NCS1: variants seen among roughly 807,000 people sequenced by gnomAD.
NCS1 encodes neuronal calcium sensor 1.
Under a neutral mutation model 28.4 loss-of-function variants are expected in NCS1, and 6 were observed. The observed-to-expected ratio is 0.21, with a 90% CI of 0.12 to 0.42. The LOEUF (loss-of-function observed/expected upper bound fraction) is 0.42, where lower values mean the gene tolerates loss of function less well. Ranked by LOEUF, NCS1 falls within the 10% of genes least tolerant of loss-of-function variation. The probability of loss-of-function intolerance (pLI) is 1.00; values close to 1 mark genes in which losing one functional copy is unlikely to be tolerated. For synonymous variants in NCS1, 86 were observed against 99.3 expected (o/e 0.87, Z 0.79); for missense variants, 131 against 241.4 (o/e 0.54, Z 3.03).
At chr9:130,197,824 G>T (rs529909417) in intron 1 of NCS1, among the ~76,000 whole-genome samples, 5 of 152,114 alleles carry the variant, frequency 3.3e-5, no homozygotes, top group African/African-American at 1.2e-4. Context: ...TTAGCTGGCC[G>T]TGGTGGTGTA....
At chr9:130,173,740 C>T (rs1412708117) in intron 1 of NCS1, among the ~76,000 whole-genome samples, 1 of 152,208 alleles carries the variant, frequency 6.6e-6, no homozygotes, top group Non-Finnish European at 1.5e-5. Flanking sequence ...CTCTGCACCA[C>T]CCCTGGAGGC....
At chr9:130,173,584 C>A (rs554283313) in intron 1 of NCS1, among the ~76,000 whole-genome samples, 1 of 152,332 alleles carries the variant, frequency 6.6e-6, no homozygotes, top group Admixed American at 6.5e-5. Context: ...TGGGTCCAGA[C>A]CACCCAGGGG....
chr9:130,210,400 G>GAAA (rs3055585), intron 2 of NCS1, among the ~76,000 whole-genome samples: 43 of 125,384 alleles, frequency 3.4e-4, no homozygotes, highest in Non-Finnish European at 3.2e-4. Flanking sequence ...CTCAGTCTTA[G>GAAA]AAAAAAAAAA....
rs1411862182 is a variant in NCS1, at chr9:130,226,020, G to A, written c.475-369G>A. ...CAAGAGTGACCCCAGAGAACTGCAC[G>A]AGGCTCTCAGCCTTGTCAGTTACTC... On this transcript the variant is annotated intron_variant, in intron 6 of 7. Transcript: ENST00000372398. This position sits in a 1 kb window ranked among gnomAD's most constrained non-coding sequence, Gnocchi z 4.8. Among the ~76,000 whole-genome samples the A allele has an allele frequency of 2.0e-5, 3 of 152,174 alleles. No homozygotes were observed. The highest frequency in any genetic ancestry group is 7.2e-5 in the African/African-American group (3 of 41,444).
At chr9:130,224,636 C>T (rs1196324266) in intron 6 of NCS1, among the ~76,000 whole-genome samples, 1 of 151,690 alleles carries the variant, frequency 6.6e-6, no homozygotes. Context: ...GGGTGAGGAT[C>T]GAAACCCACC....
At chr9:130,223,892 G>C (rs1256468041) in intron 6 of NCS1, among the ~76,000 whole-genome samples, 1 of 151,994 alleles carries the variant, frequency 6.6e-6, no homozygotes, top group Non-Finnish European at 1.5e-5. Flanking sequence ...ACCCAGGCTG[G>C]AGTGCAGTGG....
At chr9:130,222,876 A>G in intron 5 of NCS1, 138 bp downstream of exon 5, 1 of 970,722 alleles carries the variant, frequency 1.0e-6, no homozygotes, top group South Asian at 1.4e-5. Flanking sequence ...CGTTCTGTAC[A>G]TCTCTGCCTG....
chr9:130,201,408 T>C (rs573101223), intron 2 of NCS1, among the ~76,000 whole-genome samples: 1 of 152,312 alleles, frequency 6.6e-6, no homozygotes, highest in African/African-American at 2.4e-5. Context: ...TGCTCTTGGA[T>C]GCCAGCTCTA....
intron 1 of NCS1, among the ~76,000 whole-genome samples, chr9:130,188,029 G>A (rs1554905823): frequency 1.3e-5 from 2 of 152,242 alleles, no homozygotes; most frequent in African/African-American, 4.8e-5. Flanking sequence ...GGGGGTGGTG[G>A]CCTGCTCGGC....
intron 1 of NCS1, among the ~76,000 whole-genome samples, chr9:130,189,711 G>C (rs560266870): frequency 3.3e-5 from 5 of 151,300 alleles, no homozygotes; most frequent in Admixed American, 3.3e-4. Context: ...GTGTGGTGGC[G>C]CGTGCCTATA....
Position 130,179,189 on chromosome 9 carries a change from T to A in NCS1, c.64+6462T>A, listed in dbSNP as rs932085283. Among the ~76,000 whole-genome samples the A allele has an allele frequency of 2.0e-5, 3 of 151,758 alleles. No individual in the cohort carries two copies. The East Asian group carries it at 5.9e-4, about 30-fold the overall frequency. On this transcript the variant is annotated intron_variant, in intron 1 of 7. Coordinates refer to ENST00000372398, the MANE Select transcript of NCS1 (RefSeq NM_014286.4). ...CTCAGGTGATTCACTCACCTTGGCC[T>A]CCCAAAGTGCTGGGATTACAGGCAT...
chr9:130,221,377 CATATATATATATATA>C (rs1332886700), intron 4 of NCS1, among the ~76,000 whole-genome samples: 1 of 84,716 alleles, frequency 1.2e-5, no homozygotes, highest in Non-Finnish European at 2.2e-5. Flanking sequence ...TATAAAATAT[CATATATATATATATA>C]TATATATATA....
intron 1 of NCS1, chr9:130,200,702 C>A (rs1041528718): frequency 2.6e-6 from 4 of 1,536,650 alleles, no homozygotes; most frequent in Non-Finnish European, 3.5e-6. Context: ...CTCCCAGCAG[C>A]GGCAGTGGCA....
At chr9:130,206,654 C>T (rs1441049422) in intron 2 of NCS1, among the ~76,000 whole-genome samples, 2 of 152,152 alleles carry the variant, frequency 1.3e-5, no homozygotes, top group African/African-American at 4.8e-5. Context: ...AGATGATCCG[C>T]CCACCTCAGC....
chr9:130,203,563 C>T (rs1832986076), intron 2 of NCS1, among the ~76,000 whole-genome samples: 1 of 152,130 alleles, frequency 6.6e-6, no homozygotes, highest in Non-Finnish European at 1.5e-5. Flanking sequence ...GAGCAGCTGT[C>T]CCCCACGCCC....
chr9:130,226,755 G>A lies in NCS1; in HGVS notation c.*17+251G>A, dbSNP rs1328676873. 5.3e-5 allele frequency among the ~76,000 whole-genome samples: 8 copies of A among 152,070 alleles called. No individual in the cohort carries two copies. Among genetic ancestry groups the A allele is most frequent in the African/African-American group, 9.7e-5 (4 of 41,420 alleles). On this transcript the variant is annotated intron_variant, in intron 7 of 7. Coordinates refer to ENST00000372398, the MANE Select transcript of NCS1 (RefSeq NM_014286.4). This position sits in a 1 kb window ranked among gnomAD's most constrained non-coding sequence, Gnocchi z 4.8. Reference sequence around the variant, plus strand: ...GCTTGAACAGAATTTTTCTGGGCGCGGTGGCTCACGCCTGTAATCCCAGCA... The same window carrying A: ...GCTTGAACAGAATTTTTCTGGGCGCAGTGGCTCACGCCTGTAATCCCAGCA...
intron 1 of NCS1, among the ~76,000 whole-genome samples, chr9:130,195,001 C>T (rs549164322): frequency 6.6e-6 from 1 of 152,236 alleles, no homozygotes; most frequent in East Asian, 1.9e-4. Context: ...CTAGGATGGG[C>T]CAGGAGAAGT....
At chr9:130,220,731 TTC>T (rs1233700963) in intron 4 of NCS1, among the ~76,000 whole-genome samples, 1 of 151,658 alleles carries the variant, frequency 6.6e-6, no homozygotes, top group African/African-American at 2.4e-5. Flanking sequence ...ACCCTGCAGT[TTC>T]TTTTTCTTTT....
intron 2 of NCS1, among the ~76,000 whole-genome samples, chr9:130,210,588 T>C (rs1161244627): frequency 6.6e-6 from 1 of 151,954 alleles, no homozygotes; most frequent in East Asian, 1.9e-4. Flanking sequence ...TGGCCAGTGC[T>C]CAGGACGTCC....
Sources: gnomAD v4.1 joint callset for allele counts (sites outside exome capture counted in the v4.1 genomes callset) on GRCh38, gnomAD v4.1.1 for gene constraint, Gnocchi (gnomAD v3.1) non-coding constraint, MANE v1.5 for transcripts, NCBI Gene and HGNC (gene_info 2026-07-23, HGNC 2026-07-21) for gene names.